The following ELP4 variants were observed in gnomAD, a reference collection of about 807,000 sequenced individuals.
ELP4 encodes the protein elongator acetyltransferase complex subunit 4.
In ELP4, 51 loss-of-function variants were observed where a neutral mutation model predicts 48.9. The observed-to-expected ratio is 1.04, with a 90% confidence interval of 0.83 to 1.32. The LOEUF (loss-of-function observed/expected upper bound fraction) is 1.32. ELP4 is among the 40% of genes most tolerant of loss of function. The probability of loss-of-function intolerance (pLI) is 0.00; values close to 1 mark genes in which losing one functional copy is unlikely to be tolerated. For synonymous variants in ELP4, 210 were observed against 189.2 expected (o/e 1.11, Z -0.90); for missense variants, 519 against 514.6 (o/e 1.01, Z -0.08).
At chr11:31,560,706 C>T (rs1957008038) in intron 3 of ELP4, among the ~76,000 whole-genome samples, 1 of 146,382 alleles carries the variant, frequency 6.8e-6, no homozygotes, top group Admixed American at 6.9e-5. Flanking sequence ...ATATATAAAA[C>T]AACGTTGTTT....
At chr11:31,716,139 C>G (rs543161177) in intron 9 of ELP4, among the ~76,000 whole-genome samples, 34 of 152,122 alleles carry the variant, frequency 2.2e-4, no homozygotes, top group African/African-American at 8.0e-4. Flanking sequence ...CTCAGCCTCC[C>G]GAGTAGCTAG....
intron 9 of ELP4, among the ~76,000 whole-genome samples, chr11:31,748,395 C>G (rs1947645165): frequency 6.6e-6 from 1 of 152,104 alleles, no homozygotes; most frequent in African/African-American, 2.4e-5. Context: ...CAGGCGCACG[C>G]CACTATGCCC....
chr11:31,622,283 T>C (rs1024973557), intron 5 of ELP4, among the ~76,000 whole-genome samples: 2 of 151,834 alleles, frequency 1.3e-5, no homozygotes, highest in African/African-American at 2.4e-5. Context: ...CCCAGGGTTT[T>C]TTGTTGGTGG....
intron 8 of ELP4, chr11:31,648,302 T>C (rs1173555619): frequency 6.6e-6 from 1 of 151,934 alleles, no homozygotes; most frequent in Non-Finnish European, 1.5e-5. Flanking sequence ...TCTTTGATTA[T>C]GTTTGAACTT....
chr11:31,715,867 G>A (rs569332069), intron 9 of ELP4, among the ~76,000 whole-genome samples: 1 of 152,234 alleles, frequency 6.6e-6, no homozygotes, highest in East Asian at 1.9e-4. Context: ...GACGGTAACT[G>A]CTTTACTAAA....
intron 3 of ELP4, among the ~76,000 whole-genome samples, chr11:31,578,668 G>C (rs1378180628): frequency 6.6e-6 from 1 of 152,144 alleles, no homozygotes; most frequent in Admixed American, 6.5e-5. Flanking sequence ...TGACAAACCT[G>C]ACAAAAACAA....
chr11:31,621,752 CTA>C (rs1944626367), intron 5 of ELP4, among the ~76,000 whole-genome samples: 1 of 151,892 alleles, frequency 6.6e-6, no homozygotes, highest in Non-Finnish European at 1.5e-5. Context: ...CTTCCTAAAA[CTA>C]TGCACCTGAA....
intron 9 of ELP4, among the ~76,000 whole-genome samples, chr11:31,706,077 A>G (rs1946625016): frequency 6.6e-6 from 1 of 152,078 alleles, no homozygotes; most frequent in Admixed American, 6.6e-5. Context: ...TAATATTTTT[A>G]ATAAAAATAC....
At position 31,788,927 on chromosome 11, in the gene ELP4, CTG is replaced by C. The variant is rs1487258645; in HGVS notation, c.*5405_*5406del. 1 of 200,580 alleles carries C rather than the reference CTG, an allele frequency of 5.0e-6. No homozygotes were observed. The highest frequency in any genetic ancestry group is 1.0e-5 in the Non-Finnish European group (1 of 97,170). The allele number at this position is 200,580 out of a possible 1,614,324, so 12.4% of individuals were successfully genotyped here. On this transcript the variant is annotated 3_prime_UTR_variant, in exon 10 of 10. Coordinates refer to ENST00000640961, the MANE Select transcript of ELP4 (RefSeq NM_019040.5). The stretch of plus-strand genomic sequence containing the variant: ...CCACACTATAAGGTTAAAAAGAAAA[CTG>C]TATAATAAAGGAAATACAAAGGCTT...
intron 9 of ELP4, among the ~76,000 whole-genome samples, chr11:31,759,421 G>T (rs563107157): frequency 6.6e-6 from 1 of 152,282 alleles, no homozygotes; most frequent in South Asian, 2.1e-4. Context: ...CCTTATTAGG[G>T]TAAGGAAAAT....
At chr11:31,609,865 G>C (rs1957944365) in intron 5 of ELP4, among the ~76,000 whole-genome samples, 1 of 151,924 alleles carries the variant, frequency 6.6e-6, no homozygotes, top group Non-Finnish European at 1.5e-5. Flanking sequence ...GTGAGACCCT[G>C]TCTCTACAAA....
At chr11:31,738,646 G>A (rs1157583021) in intron 9 of ELP4, among the ~76,000 whole-genome samples, 1 of 151,892 alleles carries the variant, frequency 6.6e-6, no homozygotes, top group African/African-American at 2.4e-5. Flanking sequence ...GGAGGTGGGA[G>A]GATTGCTTGA....
At chr11:31,545,464 C>A (rs1175994254) in intron 3 of ELP4, among the ~76,000 whole-genome samples, 1 of 152,002 alleles carries the variant, frequency 6.6e-6, no homozygotes, top group African/African-American at 2.4e-5. Flanking sequence ...AACAAAGCCT[C>A]CAAGAAATAT....
rs115043402 is a variant in ELP4, at chr11:31,706,269, A to C, written c.1143+56048A>C. ...TTTCGTTGTGCTGGGAATGTTTAAT[A>C]TCTTCCTTCTACTATTAGAAATGAT... On this transcript the variant is annotated intron_variant, in intron 9 of 9. Transcript: ENST00000640961. Among the ~76,000 whole-genome samples the C allele has an allele frequency of 8.0e-3, 1,216 of 151,978 alleles. 20 individuals carry two copies. The highest frequency in any genetic ancestry group is 0.028 in the African/African-American group (1,162 of 41,502).
chr11:31,559,614 C>A (rs1276946817), intron 3 of ELP4, among the ~76,000 whole-genome samples: 1 of 152,028 alleles, frequency 6.6e-6, no homozygotes, highest in African/African-American at 2.4e-5. Context: ...TAAAGAAAAT[C>A]AGTTTTGGGC....
chr11:31,599,810 A>T (rs573991411), intron 4 of ELP4: 2 of 152,150 alleles, frequency 1.3e-5, no homozygotes, highest in Non-Finnish European at 2.9e-5. Flanking sequence ...TCTCACCAGG[A>T]TCCTTCCTCG....
intron 9 of ELP4, among the ~76,000 whole-genome samples, chr11:31,662,170 A>G (rs1018693128): frequency 2.6e-5 from 4 of 152,118 alleles, no homozygotes; most frequent in African/African-American, 9.6e-5. Context: ...TTTCATTAAG[A>G]TATGTTATTG....
At chr11:31,536,526 G>T (rs1956504331) in intron 2 of ELP4, among the ~76,000 whole-genome samples, 2 of 151,954 alleles carry the variant, frequency 1.3e-5, no homozygotes, top group African/African-American at 4.8e-5. Flanking sequence ...TAATTTTTGT[G>T]TTTTTAGTAA....
intron 9 of ELP4, among the ~76,000 whole-genome samples, chr11:31,659,686 G>A (rs766697253): frequency 3.3e-5 from 5 of 152,056 alleles, no homozygotes; most frequent in East Asian, 1.9e-4. Context: ...ATTTTACTAC[G>A]ATTAAAGTTT....
Sources: gnomAD v4.1 joint callset for allele counts (sites outside exome capture counted in the v4.1 genomes callset) on GRCh38, gnomAD v4.1.1 for gene constraint, MANE v1.5 for transcripts, NCBI Gene and HGNC (gene_info 2026-07-23, HGNC 2026-07-21) for gene names.